The following MCC variants were observed in gnomAD, a reference collection of about 807,000 sequenced individuals.
MCC encodes colorectal mutant cancer protein.
MCC carries 90 observed loss-of-function variants against 116.2 expected under a neutral mutation model. The observed-to-expected ratio is 0.77, with a 90% CI of 0.65 to 0.92. The LOEUF is 0.92. MCC is among the 40% of genes least tolerant of loss of function. The pLI, the probability that MCC is intolerant of heterozygous loss-of-function variation, is 0.00. For missense variants in MCC, 1,516 were observed against 1,312.2 expected (o/e 1.16, Z -2.40); for synonymous variants, 578 against 510.5 (o/e 1.13, Z -1.78).
chr5:113,468,729 A>G (rs902919230), intron 1 of MCC, among the ~76,000 whole-genome samples: 1 of 152,008 alleles, frequency 6.6e-6, no homozygotes, highest in African/African-American at 2.4e-5. Context: ...CTCTTTTTCT[A>G]TTGATTGGAA....
intron 3 of MCC, among the ~76,000 whole-genome samples, chr5:113,163,296 A>G (rs1333148541): frequency 2.6e-5 from 4 of 152,240 alleles, no homozygotes; most frequent in African/African-American, 9.6e-5. Context: ...TGATAGAAAA[A>G]TAATCAAAAA....
At chr5:113,284,179 A>G (rs1766158669) in intron 3 of MCC, among the ~76,000 whole-genome samples, 1 of 152,212 alleles carries the variant, frequency 6.6e-6, no homozygotes, top group Non-Finnish European at 1.5e-5. Flanking sequence ...GCAAAATCCC[A>G]TCTCTACAGA....
At position 113,270,045 on chromosome 5, in the gene MCC, A is replaced by T. The variant is rs923125211; in HGVS notation, c.627+70474T>A. 4.6e-5 allele frequency among the ~76,000 whole-genome samples: 7 copies of T among 152,216 alleles called. No individual in the cohort carries two copies. In the South Asian group the frequency reaches 6.2e-4, roughly 13 times the overall value. On this transcript the variant is annotated intron_variant, in intron 3 of 18. Transcript: ENST00000408903. ...CAGGGAAAGAGGTGGGAAGAGCTGAACTGTTTAACATTACTTTCTTTCATT... is the reference window on the plus strand; with the variant it reads ...CAGGGAAAGAGGTGGGAAGAGCTGATCTGTTTAACATTACTTTCTTTCATT...
intron 1 of MCC, among the ~76,000 whole-genome samples, chr5:113,431,348 T>C (rs566666833): frequency 6.2e-4 from 94 of 152,262 alleles, no homozygotes; most frequent in African/African-American, 1.3e-3. Flanking sequence ...AAGTCTAAGA[T>C]AGAGGAGTTG....
At chr5:113,039,512 C>T (rs1751541394) in intron 17 of MCC, among the ~76,000 whole-genome samples, 2 of 152,206 alleles carry the variant, frequency 1.3e-5, no homozygotes, top group South Asian at 2.1e-4. Context: ...AGAGGTTTCT[C>T]ACTGCCCAGA....
At chr5:113,148,236 G>A (rs1361577769) in intron 4 of MCC, among the ~76,000 whole-genome samples, 2 of 152,222 alleles carry the variant, frequency 1.3e-5, no homozygotes, top group East Asian at 1.9e-4. Flanking sequence ...GAAGATAGGA[G>A]TGTGCTGTTT....
intron 1 of MCC, among the ~76,000 whole-genome samples, chr5:113,431,729 C>T (rs1312297158): frequency 7.1e-6 from 1 of 141,468 alleles, no homozygotes; most frequent in African/African-American, 2.6e-5. Flanking sequence ...GGCGCGGTGG[C>T]TCACGCCTGT....
intron 3 of MCC, among the ~76,000 whole-genome samples, chr5:113,291,784 T>C (rs1766504721): frequency 1.3e-5 from 2 of 152,188 alleles, no homozygotes; most frequent in South Asian, 4.1e-4. Flanking sequence ...TGACAGGGAA[T>C]AGAAACACCA....
At position 113,028,533 on chromosome 5, in the gene MCC, A is replaced by T. The variant is rs1580869993; in HGVS notation, c.2879+401T>A. The stretch of plus-strand genomic sequence containing the variant: ...AGAGAAGAGTCCTGAGCCCAGTCTT[A>T]GAGCAGTATTTCCTGAAGTATTCCA... On this transcript the variant is annotated intron_variant, in intron 18 of 18. Transcript: ENST00000408903. Among the ~76,000 whole-genome samples, 6 of 152,332 alleles carry T rather than the reference A, an allele frequency of 3.9e-5. 1 individual carries two copies. The highest frequency in any genetic ancestry group is 3.9e-4 in the Admixed American group (6 of 15,294).
At chr5:113,042,167 C>T (rs4579252) in intron 17 of MCC, among the ~76,000 whole-genome samples, 33,980 of 151,640 alleles carry the variant, frequency 0.22, 3,903 homozygotes, top group Middle Eastern at 0.26. Flanking sequence ...ATACAGCAGA[C>T]AAAAAAGATG....
At chr5:113,091,820 G>A (rs1180879167) in intron 8 of MCC, among the ~76,000 whole-genome samples, 2 of 152,064 alleles carry the variant, frequency 1.3e-5, no homozygotes, top group African/African-American at 4.8e-5. Flanking sequence ...GGCAGGTCAA[G>A]GCCATGGTGG....
intron 1 of MCC, among the ~76,000 whole-genome samples, chr5:113,468,244 A>G (rs1188719247): frequency 6.6e-6 from 1 of 152,186 alleles, no homozygotes. Flanking sequence ...GAGAGAGGGC[A>G]TCCCTGTCTT....
intron 3 of MCC, among the ~76,000 whole-genome samples, chr5:113,292,312 A>T (rs568489258): frequency 6.6e-6 from 1 of 152,224 alleles, no homozygotes; most frequent in Admixed American, 6.5e-5. Context: ...GATAACTAAC[A>T]TTGATTGGAA....
intron 2 of MCC, among the ~76,000 whole-genome samples, chr5:113,342,902 G>A (rs1324100375): frequency 2.6e-5 from 4 of 152,204 alleles, no homozygotes; most frequent in Non-Finnish European, 5.9e-5. Flanking sequence ...TGCACAGGAC[G>A]TGTACTGGGT....
chr5:113,145,675 C>A (rs1244322113), intron 4 of MCC, among the ~76,000 whole-genome samples: 1 of 151,964 alleles, frequency 6.6e-6, no homozygotes, highest in Non-Finnish European at 1.5e-5. Context: ...GGCCAACCAG[C>A]AGCCCTCGCT....
intron 2 of MCC, among the ~76,000 whole-genome samples, chr5:113,357,170 A>T (rs916595588): frequency 6.6e-6 from 1 of 152,250 alleles, no homozygotes; most frequent in African/African-American, 2.4e-5. Context: ...TGAGAATTAA[A>T]GTTAAAATAT....
At chr5:113,293,313 T>A (rs1300368166) in intron 3 of MCC, among the ~76,000 whole-genome samples, 2 of 152,142 alleles carry the variant, frequency 1.3e-5, no homozygotes, top group Admixed American at 1.3e-4. Context: ...ATCACCATTA[T>A]CTGCCTTCCG....
intron 3 of MCC, among the ~76,000 whole-genome samples, chr5:113,314,019 A>G (rs560831818): frequency 2.0e-5 from 3 of 152,120 alleles, no homozygotes; most frequent in Admixed American, 2.0e-4. Flanking sequence ...TGATCTCACT[A>G]TGTTGCCCAG....
chr5:113,120,583 C>T (rs1037875020), intron 6 of MCC, among the ~76,000 whole-genome samples: 1 of 152,166 alleles, frequency 6.6e-6, no homozygotes, highest in Non-Finnish European at 1.5e-5. Context: ...CATTCATTCC[C>T]ACTACTATCT....
Sources: allele counts gnomAD v4.1 joint callset (sites outside exome capture counted in the v4.1 genomes callset), GRCh38; gene constraint gnomAD v4.1.1; transcripts MANE v1.5; gene names NCBI Gene and HGNC (gene_info 2026-07-23, HGNC 2026-07-21).